The following CELF4 variants were observed in gnomAD, a reference collection of about 807,000 sequenced individuals.
CELF4 encodes the protein CUG-BP- and ETR-3-like factor 4.
A neutral mutation model predicts 59.9 loss-of-function variants in CELF4; 18 were observed. The observed-to-expected ratio is 0.30, with a 90% CI of 0.21 to 0.45. The LOEUF (loss-of-function observed/expected upper bound fraction) is 0.45. Ranked by LOEUF, CELF4 falls within the 20% of genes least tolerant of loss-of-function variation. The probability of loss-of-function intolerance (pLI) is 1.00; values close to 1 mark genes in which losing one functional copy is unlikely to be tolerated. For missense variants in CELF4, 456 were observed against 689.0 expected (o/e 0.66, Z 3.79); for synonymous variants, 261 against 267.1 (o/e 0.98, Z 0.22).
chr18:37,353,078 G>A (rs973214758), intron 2 of CELF4, among the ~76,000 whole-genome samples: 23 of 151,904 alleles, frequency 1.5e-4, no homozygotes, highest in East Asian at 9.7e-4. Flanking sequence ...AAAATTAGCC[G>A]GGTGTGATGG....
intron 10 of CELF4, among the ~76,000 whole-genome samples, chr18:37,261,691 A>T (rs1335740860): frequency 1.3e-5 from 2 of 152,216 alleles, no homozygotes; most frequent in Admixed American, 1.3e-4. Context: ...CAGAGACAGA[A>T]AGCGGCTACC....
chr18:37,371,568 G>A (rs556071156), intron 2 of CELF4, among the ~76,000 whole-genome samples: 1 of 152,348 alleles, frequency 6.6e-6, no homozygotes, highest in South Asian at 2.1e-4. Flanking sequence ...CTCATGATCT[G>A]CTTCTAGAGA....
chr18:37,481,448 T>C (rs1276662428), intron 2 of CELF4, among the ~76,000 whole-genome samples: 1 of 152,232 alleles, frequency 6.6e-6, no homozygotes, highest in Non-Finnish European at 1.5e-5. Flanking sequence ...CTTGAGACCC[T>C]GTATTCCCAA....
chr18:37,321,684 G>C (rs576969374), intron 3 of CELF4, 119 bp downstream of exon 3: 2 of 692,426 alleles, frequency 2.9e-6, no homozygotes, highest in South Asian at 3.7e-5. Context: ...CCTCAGCCAC[G>C]AGATCCCCAG....
chr18:37,482,048 G>A (rs571395794), intron 2 of CELF4, among the ~76,000 whole-genome samples: 46 of 152,336 alleles, frequency 3.0e-4, no homozygotes, highest in African/African-American at 1.1e-3. Flanking sequence ...TTGAACAATT[G>A]TCCACACTAC....
chr18:37,243,984 G>A lies in CELF4; in HGVS notation c.*1258C>T, dbSNP rs554615419. On this transcript the variant is annotated 3_prime_UTR_variant, in exon 13 of 13. Transcript: ENST00000420428. ...GGCGTGGCCTCCACCGGCGTCGGCA[G>A]CCAGGCGCCCGCAGGTGTGGGGCGA... 5.4e-5 allele frequency: 9 copies of A among 167,880 alleles called. No homozygotes were observed. The East Asian group carries it at 7.8e-4, about 15-fold the overall frequency. 10.4% of individuals were successfully genotyped at this position (167,880 alleles called of 1,614,324 possible).
chr18:37,310,448 T>C (rs967821509), intron 3 of CELF4, among the ~76,000 whole-genome samples: 1 of 152,210 alleles, frequency 6.6e-6, no homozygotes, highest in African/African-American at 2.4e-5. Context: ...CTGGAAATCA[T>C]TGCTCCCCTG....
At chr18:37,497,769 AC>A (rs1408205885) in intron 1 of CELF4, among the ~76,000 whole-genome samples, 1 of 152,194 alleles carries the variant, frequency 6.6e-6, no homozygotes, top group Non-Finnish European at 1.5e-5. Flanking sequence ...TATTGGTGGC[AC>A]AAATGATAGC....
chr18:37,418,779 T>G (rs2099549739), intron 2 of CELF4, among the ~76,000 whole-genome samples: 1 of 152,248 alleles, frequency 6.6e-6, no homozygotes, highest in Non-Finnish European at 1.5e-5. Context: ...GAGGAGAAAC[T>G]AATGCTCAGA....
Position 37,529,604 on chromosome 18 carries a change from C to T in CELF4, c.286+35752G>A, listed in dbSNP as rs186880009. On this transcript the variant is annotated intron_variant, in intron 1 of 12. Transcript: ENST00000420428. ...GGGAGAGAGTCTGCTGCCTGGCCTT[C>T]CTACAGCCAAGGGGAGCTGACAGTT... is the stretch of plus-strand genomic sequence containing the variant. Among the ~76,000 whole-genome samples, 600 of 152,286 alleles carry T rather than the reference C, an allele frequency of 3.9e-3. 2 individuals carry two copies. Among genetic ancestry groups the T allele is most frequent in the Non-Finnish European group, 6.1e-3 (414 of 68,030 alleles).
At chr18:37,370,706 T>G (rs2098848840) in intron 2 of CELF4, among the ~76,000 whole-genome samples, 1 of 152,154 alleles carries the variant, frequency 6.6e-6, no homozygotes, top group Admixed American at 6.5e-5. Context: ...GCCTTTTCCT[T>G]AGGACCACCC....
At chr18:37,404,172 G>A (rs1005757249) in intron 2 of CELF4, among the ~76,000 whole-genome samples, 2 of 152,182 alleles carry the variant, frequency 1.3e-5, no homozygotes, top group Non-Finnish European at 2.9e-5. Context: ...CTACATTATA[G>A]ACAAGACAGC....
In CELF4 at chr18:37,565,705, G is replaced by GCTCC; in HGVS notation, c.-65_-64insGGAG. 6.8e-7 allele frequency: 1 copy of GCTCC among 1,461,230 alleles called. No homozygotes were observed. Among genetic ancestry groups the GCTCC allele is most frequent in the Non-Finnish European group, 9.1e-7 (1 of 1,095,020 alleles). The allele number at this position is 1,461,230 out of a possible 1,614,324, so 90.5% of individuals were successfully genotyped here. A position where few individuals can be genotyped will look rare whatever the true frequency, so the allele number is the denominator to read the frequency against. On this transcript the variant is annotated 5_prime_UTR_variant, in exon 1 of 13. Coordinates refer to ENST00000420428, the MANE Select transcript of CELF4 (RefSeq NM_020180.4). ...ACTCTCTCGCTCCTCTCTCTCGCTC[G>GCTCC]CTCGCGCTCACACACGCACACGCAT...
intron 1 of CELF4, among the ~76,000 whole-genome samples, chr18:37,547,465 T>G (rs1020861490): frequency 2.6e-5 from 4 of 152,128 alleles, no homozygotes; most frequent in African/African-American, 9.7e-5. Flanking sequence ...CTTACCTACA[T>G]GAGAGCTGTC....
chr18:37,512,198 T>A (rs1004343707), intron 1 of CELF4, among the ~76,000 whole-genome samples: 2 of 152,160 alleles, frequency 1.3e-5, no homozygotes, highest in Non-Finnish European at 2.9e-5. Flanking sequence ...TGTCTTCAAG[T>A]CACTCTTCAG....
At chr18:37,372,980 A>G (rs1400165985) in intron 2 of CELF4, among the ~76,000 whole-genome samples, 1 of 152,064 alleles carries the variant, frequency 6.6e-6, no homozygotes, top group Non-Finnish European at 1.5e-5. Flanking sequence ...AGCCAAGAAG[A>G]CTCCATTCAA....
At chr18:37,518,866 A>G (rs1160368823) in intron 1 of CELF4, among the ~76,000 whole-genome samples, 2 of 152,178 alleles carry the variant, frequency 1.3e-5, no homozygotes, top group African/African-American at 4.8e-5. Flanking sequence ...ATTAACATGC[A>G]TTGATTCTAG....
intron 2 of CELF4, among the ~76,000 whole-genome samples, chr18:37,342,257 A>G (rs570970462): frequency 6.6e-6 from 1 of 151,978 alleles, no homozygotes; most frequent in South Asian, 2.1e-4. Context: ...ACACACACAC[A>G]CACACACACG....
chr18:37,444,617 TACACACACAC>T (rs61248144), intron 2 of CELF4, among the ~76,000 whole-genome samples: 56 of 134,236 alleles, frequency 4.2e-4, no homozygotes, highest in Middle Eastern at 7.2e-3. Context: ...CTAGCATGCA[TACACACACAC>T]ACACACACAC....
Sources: gnomAD v4.1 joint callset for allele counts (sites outside exome capture counted in the v4.1 genomes callset) on GRCh38, gnomAD v4.1.1 for gene constraint, MANE v1.5 for transcripts, NCBI Gene and HGNC (gene_info 2026-07-23, HGNC 2026-07-21) for gene names.